The following DCLK2 variants were observed in gnomAD, a reference collection of about 807,000 sequenced individuals.
DCLK2 encodes doublecortin like kinase 2.
In DCLK2, 31 loss-of-function variants were observed where a neutral mutation model predicts 78.4. That is an observed-to-expected ratio of 0.40 (90% CI 0.30 to 0.53). The LOEUF (loss-of-function observed/expected upper bound fraction) is 0.53, where lower values mean the gene tolerates loss of function less well. Among genes scored for constraint, DCLK2 ranks in the 20% least tolerant of loss-of-function variants. The pLI, the probability that DCLK2 is intolerant of heterozygous loss-of-function variation, is 0.61. For synonymous variants in DCLK2, 407 were observed against 374.9 expected, an observed-to-expected ratio of 1.09 and a Z score of -0.99; for missense variants, 872 against 973.7, an observed-to-expected ratio of 0.90 and a Z score of 1.39.
chr4:150,153,940 G>A (rs1735074146), intron 2 of DCLK2, among the ~76,000 whole-genome samples: 1 of 152,016 alleles, frequency 6.6e-6, no homozygotes, highest in Non-Finnish European at 1.5e-5. Flanking sequence ...ATAGGTCCGG[G>A]TTCCATTCCA....
At chr4:150,121,505 G>C (rs1277920393) in intron 2 of DCLK2, among the ~76,000 whole-genome samples, 1 of 152,158 alleles carries the variant, frequency 6.6e-6, no homozygotes, top group Non-Finnish European at 1.5e-5. Context: ...TCTAATTCTA[G>C]TTCTCTTGCT....
rs191003307 is a variant in DCLK2, at chr4:150,212,002, C to T, written c.1056+8113C>T. Among the ~76,000 whole-genome samples the T allele has an allele frequency of 3.3e-5, 5 of 152,268 alleles. No individual in the cohort carries two copies. The East Asian group carries it at 9.6e-4, about 29-fold the overall frequency. On this transcript the variant is annotated intron_variant, in intron 5 of 15. Coordinates refer to ENST00000296550, the MANE Select transcript of DCLK2 (RefSeq NM_001040260.4). ...GAAAGCATTTCCCTGAACTTTAATT[C>T]ATCATTCATGTTCCAGTTTAAGACT...
chr4:150,189,294 A>G (rs763423355), intron 2 of DCLK2, among the ~76,000 whole-genome samples: 17 of 152,214 alleles, frequency 1.1e-4, no homozygotes, highest in Admixed American at 3.9e-4. Context: ...TATTGAATAT[A>G]TGGATGTGAA....
At chr4:150,184,240 G>T (rs1407050122) in intron 2 of DCLK2, among the ~76,000 whole-genome samples, 1 of 152,180 alleles carries the variant, frequency 6.6e-6, no homozygotes, top group East Asian at 1.9e-4. Context: ...GAAACATCTG[G>T]ATTTGGAGGG....
intron 5 of DCLK2, among the ~76,000 whole-genome samples, chr4:150,208,397 T>G (rs1740012683): frequency 1.5e-5 from 1 of 65,220 alleles, no homozygotes; most frequent in Admixed American, 1.6e-4. Flanking sequence ...AGTTTTTTTT[T>G]TTGTTTTTGT....
intron 1 of DCLK2, among the ~76,000 whole-genome samples, chr4:150,099,534 G>T (rs1730716276): frequency 6.6e-6 from 1 of 152,226 alleles, no homozygotes; most frequent in South Asian, 2.1e-4. Flanking sequence ...GTACCTTGAT[G>T]GCTGTTGTCG....
At chr4:150,150,449 T>C (rs4513544) in intron 2 of DCLK2, among the ~76,000 whole-genome samples, 16,171 of 152,070 alleles carry the variant, frequency 0.11, 1,406 homozygotes, top group South Asian at 0.4. Context: ...TTAAAGGCAA[T>C]TAAGAAAAGA....
chr4:150,177,816 C>G (rs952188005), intron 2 of DCLK2, among the ~76,000 whole-genome samples: 2 of 152,162 alleles, frequency 1.3e-5, no homozygotes, highest in Non-Finnish European at 2.9e-5. Flanking sequence ...TCTGTGGACA[C>G]ATACCTCTAT....
At chr4:150,235,275 T>A (rs1341909537) in intron 10 of DCLK2, among the ~76,000 whole-genome samples, 1 of 152,226 alleles carries the variant, frequency 6.6e-6, no homozygotes, top group South Asian at 2.1e-4. Context: ...TCTTAATGTA[T>A]GTAAAGAATC....
chr4:150,256,038 G>A lies in DCLK2; in HGVS notation c.2092G>A (p.Glu698Lys). ...TCCTCAGAACACGGCTCTAGATAAGGAGGGGCAGATTTTCTGCAGCAAGCA... is the reference window on the plus strand; with the variant it reads ...TCCTCAGAACACGGCTCTAGATAAGAAGGGGCAGATTTTCTGCAGCAAGCA... ...SVIMNTALDK[E>K]GQIFCSKHCQ... is the part of the protein sequence containing the mutation. Residue 698 changes from glutamate (E) to lysine (K), a missense_variant, in exon 16 of 16, where the codon GAG (glutamate) becomes AAG (lysine). Transcript: ENST00000296550. 1 of 1,612,838 alleles carries A rather than the reference G, an allele frequency of 6.2e-7. No homozygotes were observed.
intron 15 of DCLK2, chr4:150,254,359 G>A (rs1015659824): frequency 1.3e-5 from 5 of 398,906 alleles, no homozygotes; most frequent in African/African-American, 1.0e-4. Flanking sequence ...AGTAAGTCTA[G>A]TTTCTGTCCC....
chr4:150,213,226 CTG>C (rs1560875429), intron 5 of DCLK2, among the ~76,000 whole-genome samples: 1 of 152,186 alleles, frequency 6.6e-6, no homozygotes, highest in Non-Finnish European at 1.5e-5. Context: ...CTTTGATAGA[CTG>C]TAGAGATGGC....
intron 2 of DCLK2, among the ~76,000 whole-genome samples, chr4:150,138,472 G>A (rs1477991071): frequency 6.6e-6 from 1 of 152,184 alleles, no homozygotes; most frequent in Non-Finnish European, 1.5e-5. Flanking sequence ...AGCAAGGCAT[G>A]GTGGTGCATG....
intron 1 of DCLK2, among the ~76,000 whole-genome samples, chr4:150,097,286 C>T (rs936599544): frequency 2.6e-5 from 4 of 151,808 alleles, no homozygotes; most frequent in South Asian, 2.1e-4. Context: ...TTTCAGCCTC[C>T]GGGTAGCTGG....
At position 150,193,142 on chromosome 4, in the gene DCLK2, C is replaced by T; in HGVS notation, c.761C>T (p.Thr254Ile). 1 of 1,603,518 alleles carries T rather than the reference C, an allele frequency of 6.2e-7. No homozygotes were observed. The highest frequency in any genetic ancestry group is 8.5e-7 in the Non-Finnish European group (1 of 1,172,136). Residue 254 changes from threonine to isoleucine, a missense_variant, in exon 3 of 16, where the codon ACT becomes ATT. Physicochemically the swap from Thr to Ile is moderately conservative, Grantham distance 89 (BLOSUM62 -1). Around this residue, in one of 3 missense-constraint regions of DCLK2, gnomAD observed 567 missense variants for 593.4 expected, o/e 0.96. Coordinates refer to ENST00000296550, the MANE Select transcript of DCLK2 (RefSeq NM_001040260.4). ...GGACATGATTTTTGTTCTCAGGTTA[C>T]TTGTCTGCAAGACTTTTTTGGTGAT... ...RLCTLDGKQVTCLQDFFGDDD... is the reference protein window; with the variant it reads ...RLCTLDGKQVICLQDFFGDDD...
At chr4:150,086,452 A>G (rs1046430198) in intron 1 of DCLK2, among the ~76,000 whole-genome samples, 8 of 152,080 alleles carry the variant, frequency 5.3e-5, no homozygotes, top group Admixed American at 1.3e-4. Flanking sequence ...TCTGAGATTG[A>G]GATGTCTGAC....
chr4:150,223,480 A>G (rs910174059), intron 7 of DCLK2, among the ~76,000 whole-genome samples: 3 of 152,248 alleles, frequency 2.0e-5, no homozygotes, highest in African/African-American at 7.2e-5. Flanking sequence ...ACAGTGGCTC[A>G]CGCCTGTAAT....
intron 2 of DCLK2, among the ~76,000 whole-genome samples, chr4:150,146,478 A>G (rs977405087): frequency 4.6e-5 from 7 of 152,218 alleles, no homozygotes; most frequent in Non-Finnish European, 1.0e-4. Flanking sequence ...AAGAATACAA[A>G]ACCATAGTTT....
At chr4:150,238,859 G>C (rs1455749963) in intron 10 of DCLK2, among the ~76,000 whole-genome samples, 1 of 152,072 alleles carries the variant, frequency 6.6e-6, no homozygotes, top group Admixed American at 6.5e-5. Flanking sequence ...TGATCCCAAA[G>C]GTCATTTTCT....
Sources: gnomAD v4.1 joint callset for allele counts (sites outside exome capture counted in the v4.1 genomes callset) on GRCh38, gnomAD v4.1.1 for gene constraint, gnomAD v4.1.1 regional missense constraint, MANE v1.5 for transcripts, NCBI Gene and HGNC (gene_info 2026-07-23, HGNC 2026-07-21) for gene names.